The following RALYL variants were observed in gnomAD, a reference collection of about 807,000 sequenced individuals.
RALYL encodes RALY RNA binding protein like.
Under a neutral mutation model 35.1 loss-of-function variants are expected in RALYL, and 29 were observed. The ratio of observed to expected loss-of-function variants is 0.83; its 90% CI spans 0.61 to 1.13. RALYL has a LOEUF of 1.13. Among genes scored for constraint, RALYL ranks in the 50% most tolerant of loss-of-function variants. RALYL has a pLI of 0.00. For synonymous variants in RALYL, 120 were observed against 127.6 expected (o/e 0.94, Z 0.40); for missense variants, 359 against 360.4 (o/e 1.00, Z 0.03).
intron 1 of RALYL, among the ~76,000 whole-genome samples, chr8:84,236,125 A>G (rs1300458056): frequency 2.6e-5 from 4 of 152,302 alleles, no homozygotes; most frequent in Admixed American, 2.0e-4. Context: ...TAGTTTAATT[A>G]TATGACATCC....
chr8:84,234,846 C>T (rs946465488), intron 1 of RALYL, among the ~76,000 whole-genome samples: 1 of 151,618 alleles, frequency 6.6e-6, no homozygotes, highest in Non-Finnish European at 1.5e-5. Context: ...CTCACCACAA[C>T]CTCTGCCTCC....
chr8:84,237,486 C>G (rs1407769778), intron 1 of RALYL, among the ~76,000 whole-genome samples: 1 of 152,042 alleles, frequency 6.6e-6, no homozygotes, highest in African/African-American at 2.4e-5. Context: ...GAATGAGTAT[C>G]TGAAAATCAT....
At chr8:84,274,105 C>A (rs1274787206) in intron 1 of RALYL, among the ~76,000 whole-genome samples, 1 of 151,950 alleles carries the variant, frequency 6.6e-6, no homozygotes, top group Non-Finnish European at 1.5e-5. Context: ...TGATTATATG[C>A]CTAGAATAAC....
intron 3 of RALYL, among the ~76,000 whole-genome samples, chr8:84,781,638 A>G (rs1439736746): frequency 6.6e-6 from 1 of 152,230 alleles, no homozygotes; most frequent in Non-Finnish European, 1.5e-5. Context: ...AAATCAAAGG[A>G]AGTAAAACCA....
chr8:84,648,552 C>CGGCCATGCTAAACATTTATGTTAATA (rs1312435146), intron 2 of RALYL, among the ~76,000 whole-genome samples: 25 of 151,862 alleles, frequency 1.6e-4, no homozygotes, highest in Admixed American at 1.5e-3. Flanking sequence ...ATTTTTCACA[C>CGGCCATGCTAAACATTTATGTTAATA]GGGTGAACTA....
chr8:84,850,118 T>C, intron 5 of RALYL, 91 bp downstream of exon 5: 1 of 596,700 alleles, frequency 1.7e-6, no homozygotes, highest in Non-Finnish European at 2.8e-6. Flanking sequence ...TTAATTATGG[T>C]ATTTAAAACA....
At chr8:84,501,744 C>T (rs1185063334) in intron 1 of RALYL, among the ~76,000 whole-genome samples, 1 of 151,290 alleles carries the variant, frequency 6.6e-6, no homozygotes, top group East Asian at 1.9e-4. Flanking sequence ...CTGGGGATGG[C>T]TCACAAATGG....
chr8:84,331,711 G>C (rs1427306966), intron 1 of RALYL, among the ~76,000 whole-genome samples: 1 of 151,698 alleles, frequency 6.6e-6, no homozygotes, highest in African/African-American at 2.4e-5. Context: ...TGACTAAGCA[G>C]TGCATAAAGC....
chr8:84,273,064 CA>C (rs1287013068), intron 1 of RALYL, among the ~76,000 whole-genome samples: 2 of 152,190 alleles, frequency 1.3e-5, no homozygotes, highest in African/African-American at 4.8e-5. Flanking sequence ...TTATGTTGAT[CA>C]TAACGTTTTA....
rs118126168 is a variant in RALYL at position 84,694,064 on chromosome 8, C to T, written c.257-80515C>T. 2.6e-5 allele frequency among the ~76,000 whole-genome samples: 4 copies of T among 151,952 alleles called. No individual in the cohort carries two copies. In the East Asian group the frequency reaches 5.8e-4, roughly 22 times the overall value. ...CTTCTATGATTAGGAACAAGAACCC[C>T]ACTCTCTCCACTTCTATGCAACATA... On this transcript the variant is annotated intron_variant, in intron 2 of 8. Coordinates refer to ENST00000521268, the MANE Select transcript of RALYL (RefSeq NM_173848.7).
intron 1 of RALYL, among the ~76,000 whole-genome samples, chr8:84,267,733 A>T (rs955885867): frequency 6.6e-6 from 1 of 152,218 alleles, no homozygotes; most frequent in Non-Finnish European, 1.5e-5. Context: ...TATTTTACAG[A>T]CGTCTCTGCG....
chr8:84,255,494 C>A (rs1472203298), intron 1 of RALYL, among the ~76,000 whole-genome samples: 1 of 152,038 alleles, frequency 6.6e-6, no homozygotes, highest in Admixed American at 6.6e-5. Context: ...TCAAAAGAAC[C>A]TGTTTTAACT....
intron 2 of RALYL, among the ~76,000 whole-genome samples, chr8:84,582,464 T>C (rs1811055262): frequency 6.6e-6 from 1 of 151,876 alleles, no homozygotes. Flanking sequence ...TTCCCCACTC[T>C]ACAATGTAAC....
At chr8:84,652,591 T>A (rs1443288019) in intron 2 of RALYL, among the ~76,000 whole-genome samples, 1 of 152,116 alleles carries the variant, frequency 6.6e-6, no homozygotes, top group Non-Finnish European at 1.5e-5. Context: ...ATGTGTGTTT[T>A]TTCATCTGAA....
At chr8:84,341,760 A>G (rs986340108) in intron 1 of RALYL, among the ~76,000 whole-genome samples, 5 of 152,128 alleles carry the variant, frequency 3.3e-5, no homozygotes, top group South Asian at 2.1e-4. Flanking sequence ...GAAAATATCA[A>G]TGTGAACCAG....
At chr8:84,532,865 A>C (rs568513031) in intron 2 of RALYL, among the ~76,000 whole-genome samples, 56 of 151,996 alleles carry the variant, frequency 3.7e-4, no homozygotes, top group Non-Finnish European at 6.2e-4. Context: ...CCATAATTTA[A>C]TTTACTTTCT....
chr8:84,302,725 A>G (rs1196600947), intron 1 of RALYL, among the ~76,000 whole-genome samples: 1 of 152,182 alleles, frequency 6.6e-6, no homozygotes, highest in African/African-American at 2.4e-5. Context: ...GGAAAAAGGA[A>G]TGGAGTCGAT....
At position 84,288,548 on chromosome 8, in the gene RALYL, A is replaced by T. The variant is rs939001698; in HGVS notation, c.-24+104124A>T. 3.9e-5 allele frequency among the ~76,000 whole-genome samples: 6 copies of T among 152,196 alleles called. No individual in the cohort carries two copies. The East Asian group carries it at 1.2e-3, about 29-fold the overall frequency. On this transcript the variant is annotated intron_variant, in intron 1 of 8. Transcript: ENST00000521268. ...ATGTCATGTTGTATCTTTTTTCTGC[A>T]TTTTTAGTTGCATCTTTTTTCTGCA... is the stretch of plus-strand genomic sequence containing the variant.
chr8:84,697,469 A>G (rs950305763), intron 2 of RALYL, among the ~76,000 whole-genome samples: 3 of 152,046 alleles, frequency 2.0e-5, no homozygotes, highest in Non-Finnish European at 2.9e-5. Flanking sequence ...TTCCCCGAAG[A>G]ACATTCTCCA....
Sources: allele counts gnomAD v4.1 joint callset (sites outside exome capture counted in the v4.1 genomes callset), GRCh38; gene constraint gnomAD v4.1.1; transcripts MANE v1.5; gene names NCBI Gene and HGNC (gene_info 2026-07-23, HGNC 2026-07-21).